Variants in YPEL2 observed in about 807,000 individuals in gnomAD.
The protein encoded by YPEL2 is protein yippee-like 2.
YPEL2 carries 2 observed loss-of-function variants against 19.1 expected under a neutral mutation model. The ratio of observed to expected loss-of-function variants is 0.10; its 90% CI spans 0.04 to 0.33. YPEL2 has a LOEUF of 0.33. Ranked by LOEUF, YPEL2 falls within the 10% of genes least tolerant of loss-of-function variation. YPEL2 has a pLI of 1.00. For synonymous variants in YPEL2, 52 were observed against 50.0 expected (o/e 1.04, Z -0.17); for missense variants, 66 against 140.7 (o/e 0.47, Z 2.68).
rs2048044357 is a variant in YPEL2 at position 59,397,252 on chromosome 17, A to G, written c.*62A>G. Reference sequence around the variant, plus strand: ...CGCCATTCAACCGAACATTCTTCCCAAGCGTGAGAGAGTGACTGACACTTG... The same window carrying G: ...CGCCATTCAACCGAACATTCTTCCCGAGCGTGAGAGAGTGACTGACACTTG... On this transcript the variant is annotated 3_prime_UTR_variant, in exon 5 of 5. Transcript: ENST00000312655. The G allele has an allele frequency of 9.6e-6, 13 of 1,351,904 alleles. No individual in the cohort carries two copies. In the South Asian group the frequency reaches 1.9e-4, roughly 19 times the overall value. 83.7% of individuals were successfully genotyped at this position (1,351,904 alleles called of 1,614,324 possible). A position where few individuals can be genotyped will look rare whatever the true frequency, so the allele number is the denominator to read the frequency against.
chr17:59,376,964 AAAAAAAAAAAAC>A lies in YPEL2; in HGVS notation c.118-11359_118-11348del, dbSNP rs1480512976. 2.6e-3 allele frequency among the ~76,000 whole-genome samples: 393 copies of A among 150,422 alleles called. 2 individuals carry two copies. Among genetic ancestry groups the A allele is most frequent in the African/African-American group, 9.5e-3 (382 of 40,392 alleles). On this transcript the variant is annotated intron_variant, in intron 2 of 4. Transcript: ENST00000312655. ...CACACTGTCTCAAAAAAAAAAAAAAAAAAAAAAAAAACAAAGAAAAAGGAAAGAAAGAAAATA... is the reference window on the plus strand; with the variant it reads ...CACACTGTCTCAAAAAAAAAAAAAAAAAAGAAAAAGGAAAGAAAGAAAATA...
intron 1 of YPEL2, among the ~76,000 whole-genome samples, chr17:59,332,716 G>A (rs917819467): frequency 2.0e-5 from 3 of 152,162 alleles, no homozygotes; most frequent in Non-Finnish European, 4.4e-5. Context: ...AAAAAGCCAG[G>A]TGAGCGAGTG....
chr17:59,340,666 C>T (rs1400889128), intron 1 of YPEL2, among the ~76,000 whole-genome samples: 1 of 149,320 alleles, frequency 6.7e-6, no homozygotes, highest in Non-Finnish European at 1.5e-5. Context: ...CCGCCCACCT[C>T]GGCCTTTCAA....
At chr17:59,389,600 C>T (rs1289306240) in intron 4 of YPEL2, 132 bp downstream of exon 4, 2 of 673,880 alleles carry the variant, frequency 3.0e-6, no homozygotes, top group Admixed American at 4.6e-5. Flanking sequence ...CACCTGTCTA[C>T]CACACTCATT....
At chr17:59,368,317 C>T (rs925898320) in intron 2 of YPEL2, among the ~76,000 whole-genome samples, 14 of 152,270 alleles carry the variant, frequency 9.2e-5, no homozygotes, top group Middle Eastern at 3.4e-3. Context: ...TTCCTGGGCT[C>T]AAGTGATCAG....
intron 1 of YPEL2, among the ~76,000 whole-genome samples, chr17:59,343,636 A>T (rs1021470169): frequency 8.5e-5 from 13 of 152,190 alleles, no homozygotes; most frequent in African/African-American, 2.9e-4. Flanking sequence ...TAAGGAGCAC[A>T]GGATAATGAC....
intron 1 of YPEL2, among the ~76,000 whole-genome samples, chr17:59,350,334 T>C (rs1410803496): frequency 6.6e-6 from 1 of 152,200 alleles, no homozygotes; most frequent in African/African-American, 2.4e-5. Flanking sequence ...AGTGCTAGGA[T>C]TATAGGTGTG....
intron 1 of YPEL2, among the ~76,000 whole-genome samples, chr17:59,339,428 T>C (rs2047716583): frequency 6.6e-6 from 1 of 152,234 alleles, no homozygotes; most frequent in Non-Finnish European, 1.5e-5. Context: ...ACTCCCTTTT[T>C]CTTGTGCCTA....
At chr17:59,333,311 A>G (rs2047681450) in intron 1 of YPEL2, among the ~76,000 whole-genome samples, 1 of 152,204 alleles carries the variant, frequency 6.6e-6, no homozygotes. Context: ...GCAGGAGTGC[A>G]GTGGGAGCCT....
intron 2 of YPEL2, among the ~76,000 whole-genome samples, chr17:59,386,939 T>C (rs2047983093): frequency 6.6e-6 from 1 of 152,146 alleles, no homozygotes; most frequent in South Asian, 2.1e-4. Context: ...ACAATCCAGC[T>C]GCCCCAGAGG....
chr17:59,375,684 T>G (rs1386256824), intron 2 of YPEL2, among the ~76,000 whole-genome samples: 1 of 152,220 alleles, frequency 6.6e-6, no homozygotes, highest in Non-Finnish European at 1.5e-5. Context: ...ATTCATTAAT[T>G]TACAGTGGAG....
At chr17:59,365,618 G>C (rs940861510) in intron 2 of YPEL2, among the ~76,000 whole-genome samples, 3 of 152,210 alleles carry the variant, frequency 2.0e-5, no homozygotes, top group African/African-American at 7.2e-5. Context: ...TCTTTATCTT[G>C]AAAGAACAAA....
intron 1 of YPEL2, chr17:59,345,338 A>G (rs1280101614): frequency 6.6e-6 from 1 of 152,184 alleles, no homozygotes; most frequent in Admixed American, 6.5e-5. Context: ...TGAGTATCCA[A>G]GCTGGTTTTT....
In YPEL2 at chr17:59,340,403, C is replaced by G. The variant is rs147290613; in HGVS notation, c.-196+8579C>G. On this transcript the variant is annotated intron_variant, in intron 1 of 4. Coordinates refer to ENST00000312655, the MANE Select transcript of YPEL2 (RefSeq NM_001005404.4). The stretch of plus-strand genomic sequence containing the variant: ...GGATTACAGGCGTGAGCCACCGTGC[C>G]CAGCTGGAACTTTATTTATTTTTTT... Among the ~76,000 whole-genome samples, 27 of 151,878 alleles carry G rather than the reference C, an allele frequency of 1.8e-4. No homozygotes were observed. The East Asian group carries it at 2.9e-3, about 16-fold the overall frequency.
In YPEL2 at chr17:59,400,388, TGA is replaced by T. The variant is rs2048064436; in HGVS notation, c.*3202_*3203del. ...TTTGGTGCTGTTTTCTCAGATCCCC[TGA>T]GAGCACTTTTTATTTTCCTTTTAAA... is the stretch of plus-strand genomic sequence containing the variant. On this transcript the variant is annotated 3_prime_UTR_variant, in exon 5 of 5. Transcript: ENST00000312655. 1 of 152,604 alleles carries T rather than the reference TGA, an allele frequency of 6.6e-6. No homozygotes were observed. Among genetic ancestry groups the T allele is most frequent in the Non-Finnish European group, 1.5e-5 (1 of 68,030 alleles). 9.5% of individuals were successfully genotyped at this position (152,604 alleles called of 1,614,324 possible). A position where few individuals can be genotyped will look rare whatever the true frequency, so the allele number is the denominator to read the frequency against.
At chr17:59,369,353 C>G (rs2047885710) in intron 2 of YPEL2, among the ~76,000 whole-genome samples, 1 of 152,202 alleles carries the variant, frequency 6.6e-6, no homozygotes, top group African/African-American at 2.4e-5. Flanking sequence ...CCAAATCTGA[C>G]AGTACATCAG....
At chr17:59,337,864 G>A (rs2047707633) in intron 1 of YPEL2, among the ~76,000 whole-genome samples, 1 of 152,208 alleles carries the variant, frequency 6.6e-6, no homozygotes. Context: ...TTAGGGCAAA[G>A]CGGAAGCTAT....
At chr17:59,393,801 C>A (rs1310386964) in intron 4 of YPEL2, among the ~76,000 whole-genome samples, 1 of 150,486 alleles carries the variant, frequency 6.6e-6, no homozygotes, top group Non-Finnish European at 1.5e-5. Flanking sequence ...GTGGACACAG[C>A]ACATGTTTCA....
intron 2 of YPEL2, among the ~76,000 whole-genome samples, chr17:59,372,029 A>G (rs1215876666): frequency 6.6e-6 from 1 of 152,186 alleles, no homozygotes; most frequent in East Asian, 1.9e-4. Context: ...TATGTGGAGT[A>G]CTTGATATCC....
Sources: gnomAD v4.1 joint callset for allele counts (sites outside exome capture counted in the v4.1 genomes callset) on GRCh38, gnomAD v4.1.1 for gene constraint, MANE v1.5 for transcripts, NCBI Gene and HGNC (gene_info 2026-07-23, HGNC 2026-07-21) for gene names.